The following OR51I2 variants were observed in gnomAD, a reference collection of about 807,000 sequenced individuals.
OR51I2 encodes the protein olfactory receptor 51I2.
OR51I2 carries 6 observed loss-of-function variants against 9.3 expected under a neutral mutation model. The observed-to-expected ratio is 0.64, with a 90% CI of 0.35 to 1.27. The LOEUF (loss-of-function observed/expected upper bound fraction) is 1.27. Ranked by LOEUF, OR51I2 falls within the 50% of genes most tolerant of loss-of-function variation. The probability of loss-of-function intolerance (pLI) is 0.03; values close to 1 mark genes in which losing one functional copy is unlikely to be tolerated. For missense variants in OR51I2, 489 were observed against 396.4 expected, an observed-to-expected ratio of 1.23 and a Z score of -1.98; for synonymous variants, 179 against 143.1, an observed-to-expected ratio of 1.25 and a Z score of -1.79.
In OR51I2 at chr11:5,453,858, G is replaced by C. The variant is rs1396551350; in HGVS notation, c.370G>C (p.Val124Leu). 6.2e-7 allele frequency: 1 copy of C among 1,614,190 alleles called. No individual in the cohort carries two copies. Among genetic ancestry groups the C allele is most frequent in the Non-Finnish European group, 8.5e-7 (1 of 1,180,032 alleles). ...ILLAMSFDRY[V>L]AICDPLRYAT... ...GCTGGCCATGAGTTTTGACCGCTAT[G>C]TGGCCATTTGTGACCCCTTGCGCTA... Residue 124 changes from valine (V) to leucine (L), a missense_variant, in exon 2 of 2, where the codon GTG (valine) becomes CTG (leucine). By Grantham distance (32) the Val-to-Leu change is conservative (BLOSUM62 1). Coordinates refer to ENST00000641930, the MANE Select transcript of OR51I2 (RefSeq NM_001004754.3).
chr11:5,454,070 C>T lies in OR51I2; in HGVS notation c.582C>T (p.Ile194=). ...MMRLACADIS[I]NSIYGLFVLV... The stretch of plus-strand genomic sequence containing the variant: ...GGCTTGCCTGTGCTGATATCAGTAT[C>T]AACAGCATCTATGGACTCTTTGTTC... The change falls in exon 2 of 2, where the codon ATC becomes ATT. Residue 194 remains isoleucine (I), a synonymous_variant. Transcript: ENST00000641930. 2 of 1,614,124 alleles carry T rather than the reference C, an allele frequency of 1.2e-6. No homozygotes were observed. Among genetic ancestry groups the T allele is most frequent in the Non-Finnish European group, 1.7e-6 (2 of 1,180,006 alleles).
chr11:5,449,749 T>C (rs147092838), intron 1 of OR51I2, among the ~76,000 whole-genome samples: 1,735 of 152,294 alleles, frequency 0.011, 17 homozygotes, highest in Non-Finnish European at 0.015. Flanking sequence ...GGTCACAACC[T>C]ATCCCATGAC....
chr11:5,451,963 T>C (rs1590002879), intron 1 of OR51I2, among the ~76,000 whole-genome samples: 1 of 152,208 alleles, frequency 6.6e-6, no homozygotes, highest in South Asian at 2.1e-4. Context: ...GAGAAATGGC[T>C]GTAAGAAATA....
rs902784615 is a variant in OR51I2, at chr11:5,453,354, C to A, written c.-135C>A. The A allele has an allele frequency of 5.5e-6, 3 of 542,374 alleles. No individual in the cohort carries two copies. The South Asian group carries it at 1.2e-4, about 22-fold the overall frequency. 33.6% of individuals were successfully genotyped at this position (542,374 alleles called of 1,614,324 possible). A position where few individuals can be genotyped will look rare whatever the true frequency, so the allele number is the denominator to read the frequency against. On this transcript the variant is annotated 5_prime_UTR_variant, in exon 2 of 2. Coordinates refer to ENST00000641930, the MANE Select transcript of OR51I2 (RefSeq NM_001004754.3). ...CTCAAAAGCAGTGATTTCATGAATGCGTCAGTTTCCATTTATGTCAACATC... is the reference window on the plus strand; with the variant it reads ...CTCAAAAGCAGTGATTTCATGAATGAGTCAGTTTCCATTTATGTCAACATC...
Position 5,453,872 on chromosome 11 carries a change from C to T in OR51I2, c.384C>T (p.Asp128=), listed in dbSNP as rs1008809851. 37 of 1,614,214 alleles carry T rather than the reference C, an allele frequency of 2.3e-5. No homozygotes were observed. In the African/African-American group the frequency reaches 4.4e-4, roughly 19 times the overall value. The stretch of plus-strand genomic sequence containing the variant: ...TTGACCGCTATGTGGCCATTTGTGA[C>T]CCCTTGCGCTATGCAACTGTGCTCA... The part of the protein sequence containing the change: ...MSFDRYVAIC[D]PLRYATVLTT... Residue 128 remains aspartate, a synonymous_variant, in exon 2 of 2, where the codon GAC becomes GAT. Transcript: ENST00000641930.
chr11:5,454,047 C>T lies in OR51I2; in HGVS notation c.559C>T (p.Leu187Phe), dbSNP rs1267632705. ...SYCLHPDMMR[L>F]ACADISINSI... ...CTGCCTGCACCCAGACATGATGAGG[C>T]TTGCCTGTGCTGATATCAGTATCAA... The change falls in exon 2 of 2, where the codon CTT becomes TTT. Residue 187 changes from leucine to phenylalanine, a missense_variant. By Grantham distance (22) the Leu-to-Phe change is conservative (BLOSUM62 0). Coordinates refer to ENST00000641930, the MANE Select transcript of OR51I2 (RefSeq NM_001004754.3). 5 of 1,614,036 alleles carry T rather than the reference C, an allele frequency of 3.1e-6. No homozygotes were observed. The highest frequency in any genetic ancestry group is 4.2e-6 in the Non-Finnish European group (5 of 1,180,052).
rs759713133 is a variant in OR51I2 at position 5,454,441 on chromosome 11, C to T, written c.*14C>T. The T allele has an allele frequency of 3.2e-6, 5 of 1,585,350 alleles. No individual in the cohort carries two copies. Among genetic ancestry groups the T allele is most frequent in the Non-Finnish European group, 4.3e-6 (5 of 1,169,350 alleles). On this transcript the variant is annotated 3_prime_UTR_variant, in exon 2 of 2. Coordinates refer to ENST00000641930, the MANE Select transcript of OR51I2 (RefSeq NM_001004754.3). ...ATCAAAATATGACTTTCACACTTGGCTTTAGAATCTGTTATTTTGGCCATA... is the reference window on the plus strand; with the variant it reads ...ATCAAAATATGACTTTCACACTTGGTTTTAGAATCTGTTATTTTGGCCATA...
rs1053898355 is a variant in OR51I2 at position 5,456,502 on chromosome 11, C to G, written c.*2075C>G. The G allele has an allele frequency of 3.9e-5, 6 of 151,930 alleles. No individual in the cohort carries two copies. The highest frequency in any genetic ancestry group is 1.2e-4 in the African/African-American group (5 of 41,372). 9.4% of individuals were successfully genotyped at this position (151,930 alleles called of 1,614,324 possible). On this transcript the variant is annotated 3_prime_UTR_variant, in exon 2 of 2. Coordinates refer to ENST00000641930, the MANE Select transcript of OR51I2 (RefSeq NM_001004754.3). ...TTAACTTCTTTTTATTTAACATAAT[C>G]TTTTTTGAACTCAACATTTTCCGCT...
At position 5,454,201 on chromosome 11, in the gene OR51I2, T is replaced by A. The variant is rs199654892; in HGVS notation, c.713T>A (p.Leu238His). Residue 238 changes from leucine to histidine, a missense_variant, in exon 2 of 2, where the codon CTC becomes CAC. Coordinates refer to ENST00000641930, the MANE Select transcript of OR51I2 (RefSeq NM_001004754.3). ...TASREERLKA[L>H]NTCVSHILAV... ...TCCCGTGAGGAACGCCTCAAAGCTC[T>A]CAACACATGTGTGTCACATATCCTG... The A allele has an allele frequency of 6.2e-7, 1 of 1,613,956 alleles. No individual in the cohort carries two copies. The highest frequency in any genetic ancestry group is 8.5e-7 in the Non-Finnish European group (1 of 1,179,930).
At chr11:5,451,759 G>A (rs7104300) in intron 1 of OR51I2, among the ~76,000 whole-genome samples, 41,360 of 152,032 alleles carry the variant, frequency 0.27, 7,053 homozygotes, top group Non-Finnish European at 0.38. Flanking sequence ...TGCTTTGTTA[G>A]AGGTTGGAGA....
intron 1 of OR51I2, among the ~76,000 whole-genome samples, chr11:5,451,505 T>A (rs7120894): frequency 6.6e-6 from 1 of 152,002 alleles, no homozygotes; most frequent in African/African-American, 2.4e-5. Context: ...ATATGCAGAC[T>A]GAGCTCTAAG....
rs1453508431 is a variant in OR51I2, at chr11:5,453,281, C to A, written c.-208C>A. The A allele has an allele frequency of 7.3e-6, 3 of 411,126 alleles. No individual in the cohort carries two copies. Among genetic ancestry groups the A allele is most frequent in the South Asian group, 9.7e-5 (1 of 10,314 alleles). 25.5% of individuals were successfully genotyped at this position (411,126 alleles called of 1,614,324 possible). A position where few individuals can be genotyped will look rare whatever the true frequency, so the allele number is the denominator to read the frequency against. ...TAGAGGGAAATATTAGCTCAGCCTG[C>A]AGGCTGATCATCATAAAATATGAAG... is the stretch of plus-strand genomic sequence containing the variant. On this transcript the variant is annotated 5_prime_UTR_variant, in exon 2 of 2. Coordinates refer to ENST00000641930, the MANE Select transcript of OR51I2 (RefSeq NM_001004754.3).
At chr11:5,450,199 G>A (rs1298840872) in intron 1 of OR51I2, among the ~76,000 whole-genome samples, 4 of 151,738 alleles carry the variant, frequency 2.6e-5, no homozygotes, top group Non-Finnish European at 4.4e-5. Context: ...GACCAGCCTG[G>A]CCAATATGGT....
rs1850886181 is a variant in OR51I2, at chr11:5,453,349, G to C, written c.-140G>C. ...ATCATCTCAAAAGCAGTGATTTCAT[G>C]AATGCGTCAGTTTCCATTTATGTCA... On this transcript the variant is annotated 5_prime_UTR_variant, in exon 2 of 2. The change abolishes an upstream ATG in the 5' untranslated region. Transcript: ENST00000641930. 1 of 524,164 alleles carries C rather than the reference G, an allele frequency of 1.9e-6. No individual in the cohort carries two copies. Among genetic ancestry groups the C allele is most frequent in the Non-Finnish European group, 3.2e-6 (1 of 311,070 alleles). The allele number at this position is 524,164 out of a possible 1,614,324, so 32.5% of individuals were successfully genotyped here. A position where few individuals can be genotyped will look rare whatever the true frequency, so the allele number is the denominator to read the frequency against.
Position 5,453,283 on chromosome 11 carries a change from G to A in OR51I2, c.-206G>A, listed in dbSNP as rs780150720. 25 of 418,242 alleles carry A rather than the reference G, an allele frequency of 6.0e-5. No individual in the cohort carries two copies. Among genetic ancestry groups the A allele is most frequent in the Non-Finnish European group, 9.3e-5 (22 of 237,426 alleles). The allele number at this position is 418,242 out of a possible 1,614,324, so 25.9% of individuals were successfully genotyped here. A position where few individuals can be genotyped will look rare whatever the true frequency, so the allele number is the denominator to read the frequency against. On this transcript the variant is annotated 5_prime_UTR_variant, in exon 2 of 2. Transcript: ENST00000641930. ...GAGGGAAATATTAGCTCAGCCTGCA[G>A]GCTGATCATCATAAAATATGAAGAA...
At position 5,455,291 on chromosome 11, in the gene OR51I2, GTC is replaced by G. The variant is rs1277701178; in HGVS notation, c.*866_*867del. 2 of 150,402 alleles carry G rather than the reference GTC, an allele frequency of 1.3e-5. No homozygotes were observed. Among genetic ancestry groups the G allele is most frequent in the Non-Finnish European group, 3.0e-5 (2 of 67,784 alleles). 9.3% of individuals were successfully genotyped at this position (150,402 alleles called of 1,614,324 possible). On this transcript the variant is annotated 3_prime_UTR_variant, in exon 2 of 2. Transcript: ENST00000641930. ...CTCTTTCCTTCTTGAGATTTTAACT[GTC>G]TTCCACAAAATGACATGTTAAGAGA...
rs1201989154 is a variant in OR51I2, at chr11:5,454,458, T to C, written c.*31T>C. ...ACACTTGGCTTTAGAATCTGTTATT[T>C]TGGCCATAGGCTCTCATCAGTAGCA... On this transcript the variant is annotated 3_prime_UTR_variant, in exon 2 of 2. Coordinates refer to ENST00000641930, the MANE Select transcript of OR51I2 (RefSeq NM_001004754.3). The C allele has an allele frequency of 6.5e-7, 1 of 1,542,994 alleles. No homozygotes were observed. Among genetic ancestry groups the C allele is most frequent in the Non-Finnish European group, 8.8e-7 (1 of 1,136,334 alleles).
At position 5,455,106 on chromosome 11, in the gene OR51I2, G is replaced by A. The variant is rs1052207130; in HGVS notation, c.*679G>A. ...CAAATGTGATCCAGGTAAACTGATA[G>A]ATATTGCCATTTAGGAAAATCTCCA... On this transcript the variant is annotated 3_prime_UTR_variant, in exon 2 of 2. Transcript: ENST00000641930. 4 of 152,226 alleles carry A rather than the reference G, an allele frequency of 2.6e-5. No homozygotes were observed. The highest frequency in any genetic ancestry group is 4.4e-5 in the Non-Finnish European group (3 of 68,048). The allele number at this position is 152,226 out of a possible 1,614,324, so 9.4% of individuals were successfully genotyped here.
At position 5,454,598 on chromosome 11, in the gene OR51I2, A is replaced by G; in HGVS notation, c.*171A>G. The G allele has an allele frequency of 1.8e-6, 1 of 550,712 alleles. No homozygotes were observed. Among genetic ancestry groups the G allele is most frequent in the Middle Eastern group, 4.0e-4 (1 of 2,474 alleles). 34.1% of individuals were successfully genotyped at this position (550,712 alleles called of 1,614,324 possible). A position where few individuals can be genotyped will look rare whatever the true frequency, so the allele number is the denominator to read the frequency against. On this transcript the variant is annotated 3_prime_UTR_variant, in exon 2 of 2. Transcript: ENST00000641930. ...ACAAGGAGTTCCAAATGAATAGTAC[A>G]TTCACTAAATACCAACAGTATTCTT...
Sources: gnomAD v4.1 joint callset for allele counts (sites outside exome capture counted in the v4.1 genomes callset) on GRCh38, gnomAD v4.1.1 for gene constraint, MANE v1.5 for transcripts, NCBI Gene and HGNC (gene_info 2026-07-23, HGNC 2026-07-21) for gene names.